GRID2: variants seen among roughly 807,000 people sequenced by gnomAD.
GRID2 encodes the protein glutamate ionotropic receptor delta type subunit 2.
GRID2 carries 33 observed loss-of-function variants against 114.8 expected under a neutral mutation model. That is an observed-to-expected ratio of 0.29 (90% CI 0.22 to 0.38). GRID2 has a LOEUF of 0.38. GRID2 is among the 10% of genes least tolerant of loss of function. The pLI is 1.00. For missense variants in GRID2, 1,184 were observed against 1,257.7 expected (o/e 0.94, Z 0.89); for synonymous variants, 505 against 449.9 (o/e 1.12, Z -1.55).
At chr4:92,487,571 C>T (rs552463278) in intron 1 of GRID2, among the ~76,000 whole-genome samples, 1 of 151,966 alleles carries the variant, frequency 6.6e-6, no homozygotes, top group Non-Finnish European at 1.5e-5. Context: ...CAATAAATAA[C>T]TACATTGTCT....
At chr4:93,740,969 A>G (rs536568046) in intron 14 of GRID2, among the ~76,000 whole-genome samples, 2 of 151,548 alleles carry the variant, frequency 1.3e-5, no homozygotes, top group Non-Finnish European at 1.5e-5. Flanking sequence ...GAATTAAGAT[A>G]ATACATTTGA....
At chr4:93,017,678 C>G (rs922969535) in intron 2 of GRID2, among the ~76,000 whole-genome samples, 1 of 151,452 alleles carries the variant, frequency 6.6e-6, no homozygotes, top group Non-Finnish European at 1.5e-5. Flanking sequence ...TGGTGTTAGG[C>G]GCTTGTGATC....
At chr4:93,577,377 C>G (rs1024720637) in intron 13 of GRID2, among the ~76,000 whole-genome samples, 1 of 151,882 alleles carries the variant, frequency 6.6e-6, no homozygotes, top group Non-Finnish European at 1.5e-5. Flanking sequence ...ATTGAAGGAC[C>G]CTTCTAATTC....
intron 13 of GRID2, among the ~76,000 whole-genome samples, chr4:93,616,871 T>C (rs958117010): frequency 2.1e-5 from 3 of 144,608 alleles, no homozygotes; most frequent in Non-Finnish European, 4.5e-5. Flanking sequence ...GGTGGGCGCC[T>C]GTAGTCCCAG....
chr4:93,026,652 G>A (rs1018031848), intron 2 of GRID2, among the ~76,000 whole-genome samples: 1 of 151,786 alleles, frequency 6.6e-6, no homozygotes, highest in Non-Finnish European at 1.5e-5. Flanking sequence ...GTGTGCGTGT[G>A]TGTGTATTTT....
chr4:93,351,301 G>A (rs950153595), intron 8 of GRID2, among the ~76,000 whole-genome samples: 3 of 152,016 alleles, frequency 2.0e-5, no homozygotes, highest in African/African-American at 7.2e-5. Context: ...GGCTCTGCAT[G>A]CAAACAGGGC....
intron 11 of GRID2, among the ~76,000 whole-genome samples, chr4:93,462,907 A>T (rs1723886467): frequency 6.6e-6 from 1 of 152,192 alleles, no homozygotes; most frequent in Admixed American, 6.5e-5. Context: ...GACCCTAGTG[A>T]ACAGAGGAAA....
intron 5 of GRID2, 144 bp from the exon 6 acceptor site, chr4:93,216,594 C>T (rs1744241803): frequency 2.4e-5 from 13 of 535,658 alleles, no homozygotes; most frequent in Non-Finnish European, 6.6e-6. Flanking sequence ...AAATATGTTG[C>T]TTTCATTTAG....
intron 1 of GRID2, among the ~76,000 whole-genome samples, chr4:92,381,672 A>G (rs1044335391): frequency 6.6e-6 from 1 of 152,046 alleles, no homozygotes; most frequent in African/African-American, 2.4e-5. Flanking sequence ...AGAATTAACC[A>G]TCACCATATG....
At chr4:92,350,857 A>C (rs1728031394) in intron 1 of GRID2, among the ~76,000 whole-genome samples, 1 of 151,794 alleles carries the variant, frequency 6.6e-6, no homozygotes, top group Admixed American at 6.6e-5. Context: ...GCCCTAGGAA[A>C]CCACTAATCG....
chr4:93,808,298 C>A (rs1399011921), exon 2 of GRID2: 1 of 152,116 alleles, frequency 6.6e-6, no homozygotes, highest in Non-Finnish European at 1.5e-5. Flanking sequence ...GGCAAATCAC[C>A]TACTTTCTGG....
chr4:93,128,060 C>CAAA (rs752622895), intron 4 of GRID2, among the ~76,000 whole-genome samples: 7 of 68,858 alleles, frequency 1.0e-4, no homozygotes, highest in Admixed American at 3.3e-4. Flanking sequence ...AAAAAAAAAA[C>CAAA]AACAGTACGT....
At chr4:92,394,764 ATTACTAT>A (rs1000208800) in intron 1 of GRID2, among the ~76,000 whole-genome samples, 69 of 151,924 alleles carry the variant, frequency 4.5e-4, no homozygotes, top group Admixed American at 4.1e-3. Flanking sequence ...ATGTGAAATA[ATTACTAT>A]TTACAAGCCT....
At chr4:93,284,400 A>G (rs1246874506) in intron 8 of GRID2, among the ~76,000 whole-genome samples, 7 of 152,048 alleles carry the variant, frequency 4.6e-5, no homozygotes, top group Non-Finnish European at 5.9e-5. Context: ...AAAACAACCA[A>G]TGGGTACTAG....
intron 8 of GRID2, among the ~76,000 whole-genome samples, chr4:93,285,949 T>C (rs1288767938): frequency 1.3e-5 from 2 of 152,048 alleles, no homozygotes; most frequent in Admixed American, 6.6e-5. Context: ...ACTTAAATTA[T>C]TTTGTGTTAA....
chr4:92,609,881 A>G (rs1409191478), intron 2 of GRID2, among the ~76,000 whole-genome samples: 1 of 151,682 alleles, frequency 6.6e-6, no homozygotes, highest in Non-Finnish European at 1.5e-5. Context: ...GATCTTGAAA[A>G]GAGAGCCAGT....
At chr4:92,968,629 A>G (rs781219770) in intron 2 of GRID2, among the ~76,000 whole-genome samples, 12 of 151,886 alleles carry the variant, frequency 7.9e-5, no homozygotes, top group Non-Finnish European at 1.3e-4. Flanking sequence ...ACATCATTCA[A>G]TGGCTTTAAT....
intron 1 of GRID2, among the ~76,000 whole-genome samples, chr4:92,478,690 A>G (rs1241647372): frequency 6.6e-6 from 1 of 152,114 alleles, no homozygotes; most frequent in Non-Finnish European, 1.5e-5. Flanking sequence ...TCTTAAGTAA[A>G]TGGCTTACCT....
At chr4:92,831,457 T>C (rs1422599552) in intron 2 of GRID2, among the ~76,000 whole-genome samples, 1 of 151,150 alleles carries the variant, frequency 6.6e-6, no homozygotes, top group Non-Finnish European at 1.5e-5. Flanking sequence ...ACTTTTACTC[T>C]GTAGTCAGAG....
Sources: gnomAD v4.1 joint callset for allele counts (sites outside exome capture counted in the v4.1 genomes callset) on GRCh38, gnomAD v4.1.1 for gene constraint, MANE v1.5 for transcripts, NCBI Gene and HGNC (gene_info 2026-07-23, HGNC 2026-07-21) for gene names.